The following LAMB3 variants were observed in gnomAD, a reference collection of about 807,000 sequenced individuals.
LAMB3 encodes the protein laminin subunit beta-3.
In LAMB3, 104 loss-of-function variants were observed where a neutral mutation model predicts 140.3. The observed-to-expected ratio is 0.74, with a 90% CI of 0.63 to 0.87. The LOEUF (loss-of-function observed/expected upper bound fraction) is 0.87, where lower values mean the gene tolerates loss of function less well. Ranked by LOEUF, LAMB3 falls within the 40% of genes least tolerant of loss-of-function variation. LAMB3 has a pLI of 0.00. For missense variants in LAMB3, 1,531 were observed against 1,575.2 expected (o/e 0.97, Z 0.47); for synonymous variants, 592 against 602.9 (o/e 0.98, Z 0.26).
In LAMB3 at chr1:209,628,193, G is replaced by C. The variant is rs1309966295; in HGVS notation, c.1133-3C>G. On this transcript the variant is annotated splice_region_variant and splice_polypyrimidine_tract_variant and intron_variant, in intron 10 of 22. Transcript: ENST00000356082. ...CCCATCCGGATCACACTCGCAGGCT[G>C]AGAGACAACAGCAGCCACCGCAGTA... 1 of 1,555,852 alleles carries C rather than the reference G, an allele frequency of 6.4e-7. No homozygotes were observed. Among genetic ancestry groups the C allele is most frequent in the Non-Finnish European group, 8.7e-7 (1 of 1,149,232 alleles).
chr1:209,645,301 T>A (rs1379679469), intron 3 of LAMB3, among the ~76,000 whole-genome samples: 1 of 152,210 alleles, frequency 6.6e-6, no homozygotes, highest in African/African-American at 2.4e-5. Flanking sequence ...GATATGGTGC[T>A]TTTCTCAAGG....
chr1:209,647,722 T>C (rs1571839600), intron 3 of LAMB3, among the ~76,000 whole-genome samples: 2 of 152,038 alleles, frequency 1.3e-5, no homozygotes, highest in East Asian at 1.9e-4. Context: ...ACACCCCCTA[T>C]CTCTAACTAC....
intron 3 of LAMB3, among the ~76,000 whole-genome samples, chr1:209,648,225 G>T (rs1195486367): frequency 6.6e-6 from 1 of 152,146 alleles, no homozygotes; most frequent in Non-Finnish European, 1.5e-5. Flanking sequence ...CATTGCCAAA[G>T]AATGTTAGGG....
In LAMB3 at chr1:209,626,982, C is replaced by T. The variant is rs749391486; in HGVS notation, c.1486-4G>A. 12 of 1,602,356 alleles carry T rather than the reference C, an allele frequency of 7.5e-6. No individual in the cohort carries two copies. The highest frequency in any genetic ancestry group is 4.4e-5 in the South Asian group (4 of 90,372). On this transcript the variant is annotated splice_polypyrimidine_tract_variant and splice_region_variant and intron_variant, in intron 12 of 22. Transcript: ENST00000356082. ...GACAGGGGCACTGCCCTGTGAACTG[C>T]GTGGGGAGAGCACCGTCAGTGGACC...
At chr1:209,650,200 G>T in intron 2 of LAMB3, 82 bp from the exon 3 acceptor site, 1 of 1,391,350 alleles carries the variant, frequency 7.2e-7, no homozygotes, top group South Asian at 1.2e-5. Flanking sequence ...CAGGGAAGCT[G>T]ACATTAGCAA....
chr1:209,620,457 G>C (rs1279881244), intron 18 of LAMB3, among the ~76,000 whole-genome samples: 1 of 152,204 alleles, frequency 6.6e-6, no homozygotes, highest in Non-Finnish European at 1.5e-5. Flanking sequence ...GTGGGAGAGG[G>C]GAGACGATCC....
chr1:209,631,486 C>T (rs1666689994), intron 8 of LAMB3, among the ~76,000 whole-genome samples: 1 of 152,216 alleles, frequency 6.6e-6, no homozygotes, highest in Non-Finnish European at 1.5e-5. Context: ...TCCCTGGTGC[C>T]TCTAATTCCA....
chr1:209,629,673 G>A, intron 10 of LAMB3, 64 bp downstream of exon 10: 2 of 1,497,384 alleles, frequency 1.3e-6, no homozygotes, highest in Admixed American at 1.7e-5. Flanking sequence ...GTACTCTATT[G>A]TACCCAGAGG....
intron 10 of LAMB3, among the ~76,000 whole-genome samples, chr1:209,628,676 A>G (rs2102426971): frequency 6.9e-6 from 1 of 145,922 alleles, no homozygotes; most frequent in South Asian, 2.1e-4. Context: ...AGCCTGGGCA[A>G]CAAGAGCGAA....
intron 8 of LAMB3, among the ~76,000 whole-genome samples, 193 bp downstream of exon 8, chr1:209,632,390 A>T (rs544798032): frequency 1.3e-5 from 2 of 152,384 alleles, no homozygotes; most frequent in Admixed American, 1.3e-4. Flanking sequence ...ATTAGGAAGC[A>T]GATCTAAAGA....
intron 7 of LAMB3, 63 bp from the exon 8 acceptor site, chr1:209,632,839 G>T: frequency 1.3e-6 from 2 of 1,489,836 alleles, no homozygotes; most frequent in Non-Finnish European, 1.9e-6. Flanking sequence ...AAGGAAGTTA[G>T]AGGCACATAG....
At chr1:209,631,169 T>C (rs1462815816) in intron 8 of LAMB3, among the ~76,000 whole-genome samples, 1 of 152,200 alleles carries the variant, frequency 6.6e-6, no homozygotes, top group Admixed American at 6.5e-5. Context: ...TGATGAACTG[T>C]CACTAGACTC....
chr1:209,631,810 G>A (rs1666701655), intron 8 of LAMB3, among the ~76,000 whole-genome samples: 1 of 152,196 alleles, frequency 6.6e-6, no homozygotes, highest in South Asian at 2.1e-4. Flanking sequence ...GCAGCCTGGG[G>A]CAGAATTTGG....
At chr1:209,628,495 C>T (rs1384829733) in intron 10 of LAMB3, among the ~76,000 whole-genome samples, 3 of 152,038 alleles carry the variant, frequency 2.0e-5, no homozygotes, top group Non-Finnish European at 4.4e-5. Context: ...GTCAGGAGTT[C>T]GAGACCAACC....
chr1:209,630,673 G>A lies in LAMB3; in HGVS notation c.885C>T (p.Pro295=), dbSNP rs1558158132. The A allele has an allele frequency of 6.2e-7, 1 of 1,614,028 alleles. No individual in the cohort carries two copies. The highest frequency in any genetic ancestry group is 1.1e-5 in the South Asian group (1 of 91,066). Residue 295 remains proline (P), a synonymous_variant, in exon 9 of 23, where the codon CCC becomes CCT. Coordinates refer to ENST00000356082, the MANE Select transcript of LAMB3 (RefSeq NM_000228.3). ...GTCTCCAGGGCCGGTTGTTGTAGAA[G>A]GGTGCACAGCGCTCACAATTTGGGC... ...TAGPNCERCA[P]FYNNRPWRPA... is the part of the protein sequence containing the mutation.
chr1:209,632,680 G>A lies in LAMB3; in HGVS notation c.725C>T (p.Ser242Phe). 6.2e-7 allele frequency: 1 copy of A among 1,614,188 alleles called. No individual in the cohort carries two copies. The highest frequency in any genetic ancestry group is 8.5e-7 in the Non-Finnish European group (1 of 1,180,000). ...YHPPSAYYAV[S>F]QLRLQGSCFC... ...GCAGCTCCCCTGCAGACGGAGCTGG[G>A]ACACAGCATAGTAGGCGCTGGGAGG... is the stretch of plus-strand genomic sequence containing the variant. The change falls in exon 8 of 23, where the codon TCC becomes TTC. Residue 242 changes from serine to phenylalanine, a missense_variant. Physicochemically the swap from Ser to Phe is radical, Grantham distance 155. Coordinates refer to ENST00000356082, the MANE Select transcript of LAMB3 (RefSeq NM_000228.3).
At position 209,633,132 on chromosome 1, in the gene LAMB3, A is replaced by T; in HGVS notation, c.566T>A (p.Val189Asp). 6.2e-7 allele frequency: 1 copy of T among 1,610,348 alleles called. No individual in the cohort carries two copies. Among genetic ancestry groups the T allele is most frequent in the South Asian group, 1.1e-5 (1 of 91,024 alleles). Residue 189 changes from valine to aspartate, a missense_variant and splice_region_variant, in exon 7 of 23, where the codon GTC becomes GAC. Coordinates refer to ENST00000356082, the MANE Select transcript of LAMB3 (RefSeq NM_000228.3). ...CACTAAATCCATAAGGTTAAGTTGGACCTACAGAGGGAAGGGAAAGAGAAG... is the reference window on the plus strand; with the variant it reads ...CACTAAATCCATAAGGTTAAGTTGGTCCTACAGAGGGAAGGGAAAGAGAAG... ...RPNARLNGGK[V>D]QLNLMDLVSG...
intron 6 of LAMB3, among the ~76,000 whole-genome samples, chr1:209,633,605 G>A (rs1352752186): frequency 6.6e-6 from 1 of 152,164 alleles, no homozygotes; most frequent in East Asian, 1.9e-4. Context: ...CCCAGGAAGA[G>A]TTTTCACATC....
intron 14 of LAMB3, among the ~76,000 whole-genome samples, chr1:209,624,508 G>A (rs74933416): frequency 0.013 from 1,927 of 152,292 alleles, 22 homozygotes; most frequent in Non-Finnish European, 0.019. Context: ...CTCTCCCTGT[G>A]CCCTTTGCAG....
Sources: allele counts gnomAD v4.1 joint callset (sites outside exome capture counted in the v4.1 genomes callset), GRCh38; gene constraint gnomAD v4.1.1; transcripts MANE v1.5; gene names NCBI Gene and HGNC (gene_info 2026-07-23, HGNC 2026-07-21).